ZFYVE28: variants seen among roughly 807,000 people sequenced by gnomAD.
ZFYVE28 encodes zinc finger FYVE-type containing 28.
Under a neutral mutation model 82.1 loss-of-function variants are expected in ZFYVE28, and 40 were observed. That is an observed-to-expected ratio of 0.49 (90% CI 0.38 to 0.63). The LOEUF is 0.63. Ranked by LOEUF, ZFYVE28 falls within the 30% of genes least tolerant of loss-of-function variation. The probability of loss-of-function intolerance (pLI) is 0.00; values close to 1 mark genes in which losing one functional copy is unlikely to be tolerated. For synonymous variants in ZFYVE28, 612 were observed against 546.1 expected (o/e 1.12, Z -1.68); for missense variants, 1,321 against 1,242.1 (o/e 1.06, Z -0.96).
chr4:2,364,760 C>T, intron 1 of ZFYVE28: 1 of 985,538 alleles, frequency 1.0e-6, no homozygotes, highest in Non-Finnish European at 1.2e-6. Context: ...TGCATTCCCG[C>T]CGCCGCGCCC....
In ZFYVE28 at chr4:2,271,705, C is replaced by T. The variant is rs776546847; in HGVS notation, c.2398G>A (p.Ala800Thr). 6 of 1,613,950 alleles carry T rather than the reference C, an allele frequency of 3.7e-6. No individual in the cohort carries two copies. Among genetic ancestry groups the T allele is most frequent in the Admixed American group, 1.7e-5 (1 of 60,032 alleles). The change falls in exon 11 of 13, where the codon GCA becomes ACA. Residue 800 changes from alanine (A) to threonine (T), a missense_variant. Transcript: ENST00000290974. ...AAGTCCCCATCGCGGGTCTTGGCTG[C>T]CAGTTCAGAGGATGACAGGGTCTCC... Reference protein sequence around the residue: ...CQETLSSSELAAKTRDGDFED... With the variant: ...CQETLSSSELTAKTRDGDFED...
rs1359067143 is a variant in ZFYVE28 at position 2,360,398 on chromosome 4, C to G, written c.40-6325G>C. 9.3e-4 allele frequency among the ~76,000 whole-genome samples: 141 copies of G among 150,838 alleles called. 2 individuals carry two copies. Among genetic ancestry groups the G allele is most frequent in the Middle Eastern group, 3.5e-3 (1 of 284 alleles). ...AAAAAGAGAGCTGTAATCACACACA[C>G]ACACACACACACACACACACACACA... On this transcript the variant is annotated intron_variant, in intron 1 of 12. Coordinates refer to ENST00000290974, the MANE Select transcript of ZFYVE28 (RefSeq NM_020972.3).
rs973412146 is a variant in ZFYVE28, at chr4:2,417,244, C to T, written c.39+1041G>A. Among the ~76,000 whole-genome samples the T allele has an allele frequency of 6.6e-6, 1 of 152,188 alleles. No homozygotes were observed. The highest frequency in any genetic ancestry group is 1.5e-5 in the Non-Finnish European group (1 of 68,012). On this transcript the variant is annotated intron_variant, in intron 1 of 12. Coordinates refer to ENST00000290974, the MANE Select transcript of ZFYVE28 (RefSeq NM_020972.3). This position sits in a 1 kb window ranked among gnomAD's most constrained non-coding sequence, Gnocchi z 4.8. Reference sequence around the variant, plus strand: ...TCCCCCAAGATCTCAGGGCCCGGGCCTCCCCGCTGCGCCGGCCCCAGGGTG... The same window carrying T: ...TCCCCCAAGATCTCAGGGCCCGGGCTTCCCCGCTGCGCCGGCCCCAGGGTG...
intron 4 of ZFYVE28, among the ~76,000 whole-genome samples, chr4:2,337,985 T>C (rs144291254): frequency 6.6e-6 from 1 of 152,166 alleles, no homozygotes; most frequent in Non-Finnish European, 1.5e-5. Flanking sequence ...GCCCTGCCCA[T>C]GCGGGACAGT....
In ZFYVE28 at chr4:2,364,593, T is replaced by C. The variant is rs557375773; in HGVS notation, c.40-10520A>G. ...TCGGCACTGGGCACAGACGCCCGGG[T>C]GGGCTCCAGGTTCTTGGCCGCCTGT... On this transcript the variant is annotated intron_variant, in intron 1 of 12. Coordinates refer to ENST00000290974, the MANE Select transcript of ZFYVE28 (RefSeq NM_020972.3). The C allele has an allele frequency of 1.4e-4, 139 of 985,520 alleles. No homozygotes were observed. In the Middle Eastern group the frequency reaches 5.2e-3, roughly 37 times the overall value. The allele number at this position is 985,520 out of a possible 1,614,324, so 61.0% of individuals were successfully genotyped here. A position where few individuals can be genotyped will look rare whatever the true frequency, so the allele number is the denominator to read the frequency against.
At chr4:2,386,816 G>A (rs898768570) in intron 1 of ZFYVE28, among the ~76,000 whole-genome samples, 7 of 152,210 alleles carry the variant, frequency 4.6e-5, no homozygotes, top group African/African-American at 1.4e-4. Context: ...TAAGACAGGC[G>A]CTTTCAGCAG....
intron 7 of ZFYVE28, among the ~76,000 whole-genome samples, chr4:2,319,803 T>C (rs904916877): frequency 5.5e-4 from 7 of 12,644 alleles, no homozygotes; most frequent in African/African-American, 2.3e-3. Flanking sequence ...TTGGGGACGG[T>C]GGGGACGGTG....
At chr4:2,377,480 T>C (rs888771444) in intron 1 of ZFYVE28, among the ~76,000 whole-genome samples, 1 of 152,214 alleles carries the variant, frequency 6.6e-6, no homozygotes, top group African/African-American at 2.4e-5. Flanking sequence ...GTACATCTTA[T>C]AATAGGAAAT....
chr4:2,334,247 T>C (rs575862703), intron 6 of ZFYVE28, among the ~76,000 whole-genome samples: 2 of 152,146 alleles, frequency 1.3e-5, no homozygotes, highest in South Asian at 2.1e-4. Flanking sequence ...GCCCAGCAGA[T>C]AGAGACCACG....
chr4:2,370,695 G>A (rs1727446937), intron 1 of ZFYVE28, among the ~76,000 whole-genome samples: 1 of 152,202 alleles, frequency 6.6e-6, no homozygotes, highest in Non-Finnish European at 1.5e-5. Flanking sequence ...TCCCATGCCT[G>A]CTGCCACCCC....
intron 8 of ZFYVE28, among the ~76,000 whole-genome samples, chr4:2,281,411 C>T (rs1196429022): frequency 6.6e-6 from 1 of 152,176 alleles, no homozygotes; most frequent in Non-Finnish European, 1.5e-5. Flanking sequence ...AGACATGTTT[C>T]TGGCTCACAG....
intron 6 of ZFYVE28, chr4:2,329,289 T>C (rs1282110483): frequency 2.2e-6 from 1 of 444,914 alleles, no homozygotes; most frequent in East Asian, 3.2e-5. Flanking sequence ...CTTTAATTTT[T>C]TCAGCAACGT....
chr4:2,337,544 G>T, intron 4 of ZFYVE28, 48 bp from the exon 5 acceptor site: 1 of 1,509,664 alleles, frequency 6.6e-7, no homozygotes, highest in Non-Finnish European at 9.0e-7. Context: ...CTGTGGCGGG[G>T]CCCCTCCAAA....
chr4:2,364,586 G>A (rs1726612514), intron 1 of ZFYVE28: 1 of 985,550 alleles, frequency 1.0e-6, no homozygotes, highest in Non-Finnish European at 1.2e-6. Flanking sequence ...GGGCACAGAC[G>A]CCCGGGTGGG....
At chr4:2,405,612 C>T (rs1363646090) in intron 1 of ZFYVE28, among the ~76,000 whole-genome samples, 1 of 152,170 alleles carries the variant, frequency 6.6e-6, no homozygotes, top group African/African-American at 2.4e-5. Flanking sequence ...GGGAAGGGGC[C>T]GGGGCACAGG....
chr4:2,270,794 C>T lies in ZFYVE28; in HGVS notation c.2595G>A (p.Pro865=), dbSNP rs1332989234. 1.1e-5 allele frequency: 17 copies of T among 1,613,044 alleles called. No individual in the cohort carries two copies. In the East Asian group the frequency reaches 1.6e-4, roughly 15 times the overall value. The change falls in exon 13 of 13, where the codon CCG becomes CCA. Residue 865 remains proline, a synonymous_variant. Transcript: ENST00000290974. ...TGTAGCAGTGGGTGCACACTCGGACCGGCTTCACCTGCCCGTAGCGGGGCA... is the reference window on the plus strand; with the variant it reads ...TGTAGCAGTGGGTGCACACTCGGACTGGCTTCACCTGCCCGTAGCGGGGCA... ...APLPRYGQVK[P]VRVCTHCYMF...
In ZFYVE28 at chr4:2,409,237, G is replaced by T. The variant is rs1732255073; in HGVS notation, c.39+9048C>A. 6.7e-6 allele frequency among the ~76,000 whole-genome samples: 1 copy of T among 149,998 alleles called. No individual in the cohort carries two copies. Among genetic ancestry groups the T allele is most frequent in the Non-Finnish European group, 1.5e-5 (1 of 67,492 alleles). On this transcript the variant is annotated intron_variant, in intron 1 of 12. Transcript: ENST00000290974. The surrounding 1 kb of genome is among the most constrained non-coding windows in gnomAD (Gnocchi z 4.4). ...CAAACAGCACCTCTCCCCCAGCCAG[G>T]TCCCACCCCCACCAGGCCCAGATCC...
chr4:2,318,314 T>C (rs887239810), intron 7 of ZFYVE28, among the ~76,000 whole-genome samples: 1 of 152,116 alleles, frequency 6.6e-6, no homozygotes, highest in Admixed American at 6.5e-5. Flanking sequence ...TCCCAGCACT[T>C]TGGGAGGCCG....
chr4:2,302,023 G>A (rs576324628), intron 8 of ZFYVE28, among the ~76,000 whole-genome samples: 62 of 152,334 alleles, frequency 4.1e-4, no homozygotes, highest in African/African-American at 1.2e-3. Context: ...GCCCTGCCCC[G>A]CAGTGAAGGG....
Sources: gnomAD v4.1 joint callset for allele counts (sites outside exome capture counted in the v4.1 genomes callset) on GRCh38, gnomAD v4.1.1 for gene constraint, Gnocchi (gnomAD v3.1) non-coding constraint, MANE v1.5 for transcripts, NCBI Gene and HGNC (gene_info 2026-07-23, HGNC 2026-07-21) for gene names.